Variants in DPH6 observed in about 807,000 individuals in gnomAD.
DPH6 encodes the protein diphthamine biosynthesis 6, also known as diphthine--ammonia ligase.
DPH6 carries 33 observed loss-of-function variants against 38.2 expected under a neutral mutation model. The ratio of observed to expected loss-of-function variants is 0.86; its 90% CI spans 0.65 to 1.15. The LOEUF is 1.15. Among genes scored for constraint, DPH6 ranks in the 50% most tolerant of loss-of-function variants. The pLI is 0.00. For missense variants in DPH6, 325 were observed against 320.0 expected (o/e 1.02, Z -0.12); for synonymous variants, 108 against 103.0 (o/e 1.05, Z -0.30).
chr15:35,257,379 CACTT>C (rs1185607185), intron 3 of DPH6, among the ~76,000 whole-genome samples: 3 of 152,274 alleles, frequency 2.0e-5, no homozygotes, highest in Non-Finnish European at 2.9e-5. Flanking sequence ...AAAAGGAAGT[CACTT>C]ACATTCTCTG....
chr15:35,485,982 A>G (rs1302280322), intron 3 of DPH6, among the ~76,000 whole-genome samples: 1 of 152,222 alleles, frequency 6.6e-6, no homozygotes, highest in African/African-American at 2.4e-5. Flanking sequence ...TCACACTGCT[A>G]TAAAGAACTA....
intron 3 of DPH6, among the ~76,000 whole-genome samples, chr15:35,455,538 GA>G (rs2053985506): frequency 6.6e-6 from 1 of 152,060 alleles, no homozygotes; most frequent in African/African-American, 2.4e-5. Context: ...GGATTAAAAA[GA>G]AAACAAAACA....
At chr15:35,224,897 A>G (rs1355262714) in intron 3 of DPH6, among the ~76,000 whole-genome samples, 1 of 152,234 alleles carries the variant, frequency 6.6e-6, no homozygotes, top group Non-Finnish European at 1.5e-5. Context: ...CCCAATGTTA[A>G]CATCTTAAAT....
In DPH6 at chr15:35,356,220, G is replaced by C. The variant is rs559055471; in HGVS notation, n.207+17301C>G. Among the ~76,000 whole-genome samples the C allele has an allele frequency of 3.0e-4, 45 of 152,260 alleles. No individual in the cohort carries two copies. In the South Asian group the frequency reaches 8.9e-3, roughly 30 times the overall value. ...TCAAGGTTTTTAACCTCTTTGCCAT[G>C]GGTTTGAACTTCCTCCCTTAGCTCA... is the stretch of plus-strand genomic sequence containing the variant. On this transcript the variant is annotated intron_variant and non_coding_transcript_variant, in intron 3 of 3. Coordinates refer to the DPH6 transcript ENST00000558973.
At chr15:35,183,735 TTAAAA>T in the DPH6 span, among the ~76,000 whole-genome samples, 1 of 152,188 alleles carries the variant, frequency 6.6e-6, no homozygotes, top group East Asian at 1.9e-4. Context: ...TATTATGATG[TTAAAA>T]TAAAAGCAAA....
chr15:35,486,065 G>C (rs932065542), intron 3 of DPH6, among the ~76,000 whole-genome samples: 1 of 152,184 alleles, frequency 6.6e-6, no homozygotes, highest in Non-Finnish European at 1.5e-5. Context: ...ATTTATAAAG[G>C]AAAGAGGTTT....
At position 35,371,674 on chromosome 15, in the gene DPH6, A is replaced by G. The variant is rs887595888; in HGVS notation, c.*476T>C. 2.5e-5 allele frequency: 25 copies of G among 985,582 alleles called. No homozygotes were observed. The highest frequency in any genetic ancestry group is 3.0e-5 in the Non-Finnish European group (25 of 830,098). 61.1% of individuals were successfully genotyped at this position (985,582 alleles called of 1,614,324 possible). ...ACGTTGAAACACTTCAACCATGAAT[A>G]TATTTAAAATAAAAATGATAAATCG... is the stretch of plus-strand genomic sequence containing the variant. On this transcript the variant is annotated 3_prime_UTR_variant, in exon 9 of 9. Transcript: ENST00000256538.
intron 3 of DPH6, among the ~76,000 whole-genome samples, chr15:35,245,143 T>G (rs1021943736): frequency 9.2e-5 from 14 of 151,984 alleles, no homozygotes; most frequent in Admixed American, 7.9e-4. Flanking sequence ...TATCAATCAT[T>G]CATGATTCTA....
At chr15:35,497,079 G>C (rs1249260808) in intron 3 of DPH6, among the ~76,000 whole-genome samples, 1 of 152,070 alleles carries the variant, frequency 6.6e-6, no homozygotes, top group Non-Finnish European at 1.5e-5. Flanking sequence ...TTTCATAGCT[G>C]CAATTTTATG....
chr15:35,481,220 C>G (rs1337865414), intron 3 of DPH6, among the ~76,000 whole-genome samples: 1 of 152,096 alleles, frequency 6.6e-6, no homozygotes, highest in East Asian at 1.9e-4. Flanking sequence ...CCGCATTCTA[C>G]AGCAGAGCTT....
At chr15:35,366,554 G>T (rs1435620155), downstream of DPH6, among the ~76,000 whole-genome samples, 1 of 151,750 alleles carries the variant, frequency 6.6e-6, no homozygotes, top group Non-Finnish European at 1.5e-5. Flanking sequence ...GATATATAAA[G>T]AATTAAGCTT....
intron 6 of DPH6, among the ~76,000 whole-genome samples, chr15:35,408,000 T>C (rs1361068873): frequency 6.6e-6 from 1 of 152,040 alleles, no homozygotes; most frequent in African/African-American, 2.4e-5. Flanking sequence ...TAACGGATCA[T>C]GGCAGGGCAA....
chr15:35,285,872 G>GTTTTTTTTTTTTGTTTTTT (rs2051938772), intron 3 of DPH6, among the ~76,000 whole-genome samples: 1 of 52,792 alleles, frequency 1.9e-5, no homozygotes, highest in Non-Finnish European at 3.3e-5. Flanking sequence ...TTATCTTTGA[G>GTTTTTTTTTTTTGTTTTTT]TTTTTTTTTT....
Position 35,521,031 on chromosome 15 carries a change from C to T in DPH6, c.312+17243G>A, listed in dbSNP as rs928454352. 5.1e-6 allele frequency: 5 copies of T among 985,026 alleles called. No individual in the cohort carries two copies. In the African/African-American group the frequency reaches 8.7e-5, roughly 17 times the overall value. 61.0% of individuals were successfully genotyped at this position (985,026 alleles called of 1,614,324 possible). On this transcript the variant is annotated intron_variant, in intron 3 of 8. Coordinates refer to ENST00000256538, the MANE Select transcript of DPH6 (RefSeq NM_080650.4). ...CATAAATCAAAAGGAGGGGAAGGGG[C>T]TTTAGATGGTATGTAGATTTCATTT...
At chr15:35,544,393 C>T (rs2055311501) in intron 1 of DPH6, among the ~76,000 whole-genome samples, 1 of 151,804 alleles carries the variant, frequency 6.6e-6, no homozygotes, top group African/African-American at 2.4e-5. Context: ...AGGAGAAATA[C>T]CTAATGTAGG....
chr15:35,269,383 C>A (rs572142266), intron 3 of DPH6, among the ~76,000 whole-genome samples: 18 of 152,134 alleles, frequency 1.2e-4, no homozygotes, highest in Non-Finnish European at 2.2e-4. Flanking sequence ...AATCCTTGAA[C>A]AAAATGAGAT....
chr15:35,513,405 G>A (rs1432533387), intron 3 of DPH6, among the ~76,000 whole-genome samples: 2 of 151,910 alleles, frequency 1.3e-5, no homozygotes, highest in African/African-American at 2.4e-5. Flanking sequence ...TATAAGAGAA[G>A]TACTAAAAAC....
chr15:35,527,643 AAAG>A (rs1256744889), intron 3 of DPH6, among the ~76,000 whole-genome samples: 3 of 152,114 alleles, frequency 2.0e-5, no homozygotes, highest in Non-Finnish European at 4.4e-5. Context: ...ATATCATGCA[AAAG>A]AAGGAGTTGG....
intron 3 of DPH6, among the ~76,000 whole-genome samples, chr15:35,356,613 CA>C (rs553219573): frequency 1.3e-3 from 196 of 152,278 alleles, no homozygotes; most frequent in Non-Finnish European, 2.1e-3. Flanking sequence ...TGGTGAACAG[CA>C]AATGTTGCTG....
Sources: gnomAD v4.1 joint callset for allele counts (sites outside exome capture counted in the v4.1 genomes callset) on GRCh38, gnomAD v4.1.1 for gene constraint, MANE v1.5 for transcripts, NCBI Gene and HGNC (gene_info 2026-07-23, HGNC 2026-07-21) for gene names.